Variants in DNAH7 observed in about 807,000 individuals in gnomAD.
The protein encoded by DNAH7 is axonemal beta dynein heavy chain 7.
A neutral mutation model predicts 444.6 loss-of-function variants in DNAH7; 397 were observed. The observed-to-expected ratio is 0.89, with a 90% CI of 0.82 to 0.97. The LOEUF is 0.97. Among genes scored for constraint, DNAH7 ranks in the 50% least tolerant of loss-of-function variants. The pLI is 0.00. For synonymous variants in DNAH7, 1,636 were observed against 1,624.4 expected, an observed-to-expected ratio of 1.01 and a Z score of -0.17; for missense variants, 4,902 against 4,800.8, an observed-to-expected ratio of 1.02 and a Z score of -0.62.
chr2:195,737,863 T>C lies in DNAH7; in HGVS notation c.*58A>G. 3 of 1,289,600 alleles carry C rather than the reference T, an allele frequency of 2.3e-6. No individual in the cohort carries two copies. Among genetic ancestry groups the C allele is most frequent in the Admixed American group, 1.9e-5 (1 of 52,280 alleles). 79.9% of individuals were successfully genotyped at this position (1,289,600 alleles called of 1,614,324 possible). A position where few individuals can be genotyped will look rare whatever the true frequency, so the allele number is the denominator to read the frequency against. On this transcript the variant is annotated 3_prime_UTR_variant, in exon 65 of 65. Coordinates refer to ENST00000312428, the MANE Select transcript of DNAH7 (RefSeq NM_018897.3). Reference sequence around the variant, plus strand: ...AAAAAAAGGTTTAAGTAGTAAAATATGCTTTCTCTACTCAGCCAGCCAACA... The same window carrying C: ...AAAAAAAGGTTTAAGTAGTAAAATACGCTTTCTCTACTCAGCCAGCCAACA...
At chr2:195,992,506 GT>G (rs1186310451) in intron 12 of DNAH7, among the ~76,000 whole-genome samples, 1 of 152,082 alleles carries the variant, frequency 6.6e-6, no homozygotes, top group East Asian at 1.9e-4. Flanking sequence ...GGGCTTTTGT[GT>G]TTTTTTGTTT....
At chr2:195,976,752 A>AGG (rs1692221995) in intron 15 of DNAH7, among the ~76,000 whole-genome samples, 1 of 106,414 alleles carries the variant, frequency 9.4e-6, no homozygotes, top group Non-Finnish European at 1.7e-5. Flanking sequence ...GCAGACAGAG[A>AGG]GAGAGAGAGA....
intron 1 of DNAH7, chr2:196,068,249 T>G (rs999685269): frequency 1.6e-5 from 3 of 184,906 alleles, no homozygotes; most frequent in Non-Finnish European, 3.3e-5. Flanking sequence ...AAAGTTGTTC[T>G]GATGTTTCCC....
At chr2:195,868,321 T>A in intron 40 of DNAH7, among the ~76,000 whole-genome samples, 1 of 151,766 alleles carries the variant, frequency 6.6e-6, no homozygotes, top group Non-Finnish European at 1.5e-5. Flanking sequence ...CCTGACCTCA[T>A]GATCCGCCTG....
rs1394617494 is a variant in DNAH7, at chr2:195,910,208, A to C, written c.3936-13T>G. On this transcript the variant is annotated splice_polypyrimidine_tract_variant and intron_variant, in intron 24 of 64. Transcript: ENST00000312428. ...TCCAAATAAGGTTCTGAAACATATG[A>C]AATAGACATTCTTTGTAGAATAATG... The C allele has an allele frequency of 4.5e-6, 7 of 1,572,012 alleles. No individual in the cohort carries two copies. The highest frequency in any genetic ancestry group is 6.0e-6 in the Non-Finnish European group (7 of 1,159,636).
chr2:195,965,223 GATC>G (rs1302037169), intron 17 of DNAH7, among the ~76,000 whole-genome samples: 1 of 152,248 alleles, frequency 6.6e-6, no homozygotes, highest in South Asian at 2.1e-4. Context: ...CAATTGAAAT[GATC>G]ATATTATTTT....
At position 195,926,316 on chromosome 2, in the gene DNAH7, G is replaced by A. The variant is rs1002051995; in HGVS notation, c.3612+110C>T. 3.0e-5 allele frequency: 30 copies of A among 1,015,894 alleles called. 1 individual carries two copies. The South Asian group carries it at 1.2e-3, about 42-fold the overall frequency. The allele number at this position is 1,015,894 out of a possible 1,614,324, so 62.9% of individuals were successfully genotyped here. On this transcript the variant is annotated intron_variant, in intron 22 of 64. Coordinates refer to ENST00000312428, the MANE Select transcript of DNAH7 (RefSeq NM_018897.3). ...TCTGTAATTTGGCTTGCAGCATAAAGTAGATTTTTAAGTGAACTGTATTTA... is the reference window on the plus strand; with the variant it reads ...TCTGTAATTTGGCTTGCAGCATAAAATAGATTTTTAAGTGAACTGTATTTA...
At chr2:196,028,643 A>G (rs779448889) in intron 5 of DNAH7, among the ~76,000 whole-genome samples, 1 of 152,208 alleles carries the variant, frequency 6.6e-6, no homozygotes, top group Non-Finnish European at 1.5e-5. Context: ...ATTTTGTGAC[A>G]TGTTCTGGGG....
chr2:195,832,335 A>G (rs560223658), intron 48 of DNAH7, among the ~76,000 whole-genome samples: 1 of 152,308 alleles, frequency 6.6e-6, no homozygotes, highest in East Asian at 1.9e-4. Flanking sequence ...CTCAATTATC[A>G]TTTAATTGTC....
At chr2:196,030,528 T>C (rs1442039574) in intron 5 of DNAH7, among the ~76,000 whole-genome samples, 5 of 152,296 alleles carry the variant, frequency 3.3e-5, no homozygotes, top group Admixed American at 2.0e-4. Flanking sequence ...AAGTCCACAG[T>C]CCAGAGTCTC....
At chr2:195,838,544 T>C (rs564328406) in intron 47 of DNAH7, among the ~76,000 whole-genome samples, 29 of 151,944 alleles carry the variant, frequency 1.9e-4, no homozygotes, top group African/African-American at 6.3e-4. Context: ...AAAAGTCCCA[T>C]AGTATGGACT....
intron 13 of DNAH7, 118 bp from the exon 14 acceptor site, chr2:195,987,311 A>T (rs1484703192): frequency 7.5e-6 from 5 of 663,500 alleles, no homozygotes; most frequent in East Asian, 6.1e-5. Flanking sequence ...TGAGATTTTT[A>T]AAAATATATA....
chr2:195,870,032 C>T (rs1700581423), intron 40 of DNAH7, among the ~76,000 whole-genome samples: 1 of 152,120 alleles, frequency 6.6e-6, no homozygotes, highest in Non-Finnish European at 1.5e-5. Context: ...GCACAAACAA[C>T]CTATTCCCAT....
At chr2:195,987,242 AAATT>A (rs1257248242) in intron 13 of DNAH7, 49 bp from the exon 14 acceptor site, 7 of 1,390,296 alleles carry the variant, frequency 5.0e-6, no homozygotes, top group South Asian at 1.6e-5. Flanking sequence ...TAAAACAAAT[AAATT>A]TTCACAATTT....
At chr2:195,897,122 A>G (rs1359609840) in intron 29 of DNAH7, among the ~76,000 whole-genome samples, 1 of 152,210 alleles carries the variant, frequency 6.6e-6, no homozygotes, top group Non-Finnish European at 1.5e-5. Flanking sequence ...GAGGAAAAGA[A>G]TGACACCAAA....
intron 63 of DNAH7, among the ~76,000 whole-genome samples, chr2:195,750,540 T>C (rs982872176): frequency 1.3e-5 from 2 of 152,216 alleles, no homozygotes; most frequent in Non-Finnish European, 2.9e-5. Flanking sequence ...AAAACTTTCG[T>C]TGAGAAATGT....
intron 47 of DNAH7, among the ~76,000 whole-genome samples, chr2:195,835,977 A>C (rs1386735536): frequency 6.6e-6 from 1 of 152,224 alleles, no homozygotes; most frequent in Admixed American, 6.5e-5. Context: ...TGAGTGGCTT[A>C]AACAACAGAA....
At chr2:195,921,794 T>C (rs1410410629) in intron 24 of DNAH7, among the ~76,000 whole-genome samples, 1 of 152,002 alleles carries the variant, frequency 6.6e-6, no homozygotes, top group Non-Finnish European at 1.5e-5. Context: ...AAGGGAACAA[T>C]AAAATGACTC....
intron 63 of DNAH7, among the ~76,000 whole-genome samples, chr2:195,751,104 T>G (rs1368222714): frequency 6.6e-6 from 1 of 152,226 alleles, no homozygotes; most frequent in East Asian, 1.9e-4. Context: ...GTATTTGTTT[T>G]ATTTATTTAT....
Sources: allele counts gnomAD v4.1 joint callset (sites outside exome capture counted in the v4.1 genomes callset), GRCh38; gene constraint gnomAD v4.1.1; transcripts MANE v1.5; gene names NCBI Gene and HGNC (gene_info 2026-07-23, HGNC 2026-07-21).